PCDHGA10: variants seen among roughly 807,000 people sequenced by gnomAD.
PCDHGA10 encodes the protein protocadherin gamma subfamily A, 10.
PCDHGA10 carries 42 observed loss-of-function variants against 59.5 expected under a neutral mutation model. The ratio of observed to expected loss-of-function variants is 0.71; its 90% CI spans 0.55 to 0.91. The LOEUF (loss-of-function observed/expected upper bound fraction) is 0.91. PCDHGA10 is among the 40% of genes least tolerant of loss of function. The probability of loss-of-function intolerance (pLI) is 0.00; values close to 1 mark genes in which losing one functional copy is unlikely to be tolerated. For missense variants in PCDHGA10, 1,111 were observed against 1,198.2 expected (o/e 0.93, Z 1.07); for synonymous variants, 511 against 517.2 (o/e 0.99, Z 0.16).
chr5:141,449,830 T>G (rs1316368063), intron 1 of PCDHGA10, among the ~76,000 whole-genome samples: 1 of 151,724 alleles, frequency 6.6e-6, no homozygotes, highest in Non-Finnish European at 1.5e-5. Flanking sequence ...AAGGACATTC[T>G]TTTATATAAT....
rs1187570193 is a variant in PCDHGA10, at chr5:141,413,498, T to G, written c.323T>G (p.Val108Gly). The G allele has an allele frequency of 6.2e-7, 1 of 1,614,026 alleles. No homozygotes were observed. The highest frequency in any genetic ancestry group is 1.7e-5 in the Admixed American group (1 of 60,026). ...TGCGCTCAGAGCGCGCGGTGCGTGGTGAGTTTTAATATCCTTGTGGAAGAC... is the reference window on the plus strand; with the variant it reads ...TGCGCTCAGAGCGCGCGGTGCGTGGGGAGTTTTAATATCCTTGTGGAAGAC... ...ELCAQSARCV[V>G]SFNILVEDRV... Residue 108 changes from valine (V) to glycine (G), a missense_variant, in exon 1 of 4, where the codon GTG becomes GGG. Val to Gly is a moderately radical substitution (Grantham distance 109, BLOSUM62 -3). Coordinates refer to ENST00000398610, the MANE Select transcript of PCDHGA10 (RefSeq NM_018913.3).
intron 2 of PCDHGA10, among the ~76,000 whole-genome samples, chr5:141,500,806 T>C (rs2099802700): frequency 6.6e-6 from 1 of 152,240 alleles, no homozygotes; most frequent in Non-Finnish European, 1.5e-5. Context: ...AGTCCTCATA[T>C]GAATATACAT....
Position 141,489,153 on chromosome 5 carries a change from G to T in PCDHGA10, c.2437-5654G>T. 1 of 935,828 alleles carries T rather than the reference G, an allele frequency of 1.1e-6. No individual in the cohort carries two copies. Among genetic ancestry groups the T allele is most frequent in the South Asian group, 1.8e-5 (1 of 55,006 alleles). 58.0% of individuals were successfully genotyped at this position (935,828 alleles called of 1,614,324 possible). A position where few individuals can be genotyped will look rare whatever the true frequency, so the allele number is the denominator to read the frequency against. Reference sequence around the variant, plus strand: ...TTTAAGAGGCTGGAAGGAGACATAAGAGACTTCAGCTGCTGCATTCCAAGC... The same window carrying T: ...TTTAAGAGGCTGGAAGGAGACATAATAGACTTCAGCTGCTGCATTCCAAGC... On this transcript the variant is annotated intron_variant, in intron 1 of 3. Transcript: ENST00000398610. The surrounding 1 kb of genome is among the most constrained non-coding windows in gnomAD (Gnocchi z 4.5).
intron 1 of PCDHGA10, among the ~76,000 whole-genome samples, chr5:141,482,089 C>CAA (rs36035257): frequency 1.0e-3 from 137 of 134,516 alleles, no homozygotes; most frequent in African/African-American, 1.5e-3. Context: ...CACTCCATCT[C>CAA]AAAAAAAAAA....
chr5:141,476,236 AAG>A lies in PCDHGA10; in HGVS notation c.2437-18565_2437-18564del. ...TCATTCACTATGAGATCCCGGAGGA[AAG>A]AGAGAAGGGTTTCGCTGTGGGCAAC... is the stretch of plus-strand genomic sequence containing the variant. On this transcript the variant is annotated intron_variant, in intron 1 of 3. Transcript: ENST00000398610. The surrounding 1 kb of genome is among the most constrained non-coding windows in gnomAD (Gnocchi z 7.6). 2.5e-6 allele frequency: 4 copies of A among 1,613,980 alleles called. No individual in the cohort carries two copies. Among genetic ancestry groups the A allele is most frequent in the Non-Finnish European group, 3.4e-6 (4 of 1,180,004 alleles).
At chr5:141,463,650 A>C (rs1206605758) in intron 1 of PCDHGA10, among the ~76,000 whole-genome samples, 1 of 151,746 alleles carries the variant, frequency 6.6e-6, no homozygotes, top group Non-Finnish European at 1.5e-5. Flanking sequence ...ACGGGGTTTC[A>C]CCGTGTTAGC....
Position 141,432,878 on chromosome 5 carries a change from TTCGTCA to T in PCDHGA10, c.2436+17270_2436+17275del. 6.2e-7 allele frequency: 1 copy of T among 1,614,178 alleles called. No individual in the cohort carries two copies. The highest frequency in any genetic ancestry group is 1.7e-5 in the Admixed American group (1 of 60,036). Reference sequence around the variant, plus strand: ...CGCGGTCTCCTGCGTCTTCCTGGCCTTCGTCATCTTGCTGCTGGCGCTCAGGCTGCG... The same window carrying T: ...CGCGGTCTCCTGCGTCTTCCTGGCCTTCTTGCTGCTGGCGCTCAGGCTGCG... On this transcript the variant is annotated intron_variant, in intron 1 of 3. Transcript: ENST00000398610. This position sits in a 1 kb window ranked among gnomAD's most constrained non-coding sequence, Gnocchi z 6.0.
Position 141,485,096 on chromosome 5 carries a change from C to T in PCDHGA10, c.2437-9711C>T, listed in dbSNP as rs1166994104. On this transcript the variant is annotated intron_variant, in intron 1 of 3. Coordinates refer to ENST00000398610, the MANE Select transcript of PCDHGA10 (RefSeq NM_018913.3). This position sits in a 1 kb window ranked among gnomAD's most constrained non-coding sequence, Gnocchi z 5.7. The stretch of plus-strand genomic sequence containing the variant: ...CGCGGGGAAAGGGAGATAGGTGTCT[C>T]CAGCTGCTGTGGCTGTTTGGGGCGG... The T allele has an allele frequency of 1.8e-6, 2 of 1,125,566 alleles. No homozygotes were observed. The highest frequency in any genetic ancestry group is 3.1e-5 in the African/African-American group (2 of 64,908). 69.7% of individuals were successfully genotyped at this position (1,125,566 alleles called of 1,614,324 possible).
At chr5:141,457,522 G>A (rs1200640017) in intron 1 of PCDHGA10, among the ~76,000 whole-genome samples, 1 of 152,188 alleles carries the variant, frequency 6.6e-6, no homozygotes, top group Non-Finnish European at 1.5e-5. Flanking sequence ...AACAATTAAT[G>A]AGACTAGGGT....
At chr5:141,450,829 A>ATT (rs373424450) in intron 1 of PCDHGA10, among the ~76,000 whole-genome samples, 8,685 of 135,030 alleles carry the variant, frequency 0.064, 328 homozygotes, top group South Asian at 0.088. Context: ...TATTATTATT[A>ATT]TTTTTTTTTT....
intron 1 of PCDHGA10, among the ~76,000 whole-genome samples, chr5:141,456,406 G>A (rs1038971451): frequency 2.0e-5 from 3 of 152,080 alleles, no homozygotes; most frequent in South Asian, 2.1e-4. Flanking sequence ...GCTTCTAGGC[G>A]AGAAGAAACA....
intron 1 of PCDHGA10, among the ~76,000 whole-genome samples, chr5:141,471,163 G>GC (rs202115056): frequency 0.11 from 16,237 of 150,562 alleles, 892 homozygotes; most frequent in South Asian, 0.15. Context: ...GATTCTCCTG[G>GC]CTCAGCCTCC....
In PCDHGA10 at chr5:141,510,980, G is replaced by A; in HGVS notation, c.2618G>A (p.Gly873Asp). The change falls in exon 4 of 4, where the codon GGT becomes GAT. Residue 873 changes from glycine (G) to aspartate (D), a missense_variant. Transcript: ENST00000398610. ...AADGSSTLGGGAGTMGLSARY... is the reference protein window; with the variant it reads ...AADGSSTLGGDAGTMGLSARY... ...GATGGGAGCTCCACCCTGGGAGGGG[G>A]TGCCGGCACCATGGGATTGAGCGCC... 1 of 1,614,170 alleles carries A rather than the reference G, an allele frequency of 6.2e-7. No homozygotes were observed.
chr5:141,469,918 G>T (rs2099215604), intron 1 of PCDHGA10, among the ~76,000 whole-genome samples: 2 of 152,148 alleles, frequency 1.3e-5, no homozygotes, highest in African/African-American at 4.8e-5. Context: ...ACCACCCGAG[G>T]TCAGGAGTTT....
At chr5:141,429,647 T>C (rs1430094173) in intron 1 of PCDHGA10, among the ~76,000 whole-genome samples, 2 of 152,272 alleles carry the variant, frequency 1.3e-5, no homozygotes, top group African/African-American at 4.8e-5. Flanking sequence ...TATATATTTC[T>C]TCCCAATTTA....
Position 141,413,470 on chromosome 5 carries a change from C to T in PCDHGA10, c.295C>T (p.Leu99Phe), listed in dbSNP as rs748662580. Residue 99 changes from leucine (L) to phenylalanine (F), a missense_variant, in exon 1 of 4, where the codon CTC (leucine) becomes TTC (phenylalanine). Coordinates refer to ENST00000398610, the MANE Select transcript of PCDHGA10 (RefSeq NM_018913.3). ...ITAGRIDREE[L>F]CAQSARCVVS... ...CGCGGGCAGGATAGACCGGGAGGAG[C>T]TCTGCGCTCAGAGCGCGCGGTGCGT... is the stretch of plus-strand genomic sequence containing the variant. The T allele has an allele frequency of 1.1e-5, 17 of 1,614,110 alleles. No homozygotes were observed. Among genetic ancestry groups the T allele is most frequent in the Non-Finnish European group, 1.4e-5 (16 of 1,179,972 alleles).
chr5:141,489,229 G>A lies in PCDHGA10; in HGVS notation c.2437-5578G>A, dbSNP rs1188849525. 5.9e-6 allele frequency: 9 copies of A among 1,522,134 alleles called. No homozygotes were observed. In the Admixed American group the frequency reaches 6.4e-5, roughly 11 times the overall value. 94.3% of individuals were successfully genotyped at this position (1,522,134 alleles called of 1,614,324 possible). On this transcript the variant is annotated intron_variant, in intron 1 of 3. Transcript: ENST00000398610. The surrounding 1 kb of genome is among the most constrained non-coding windows in gnomAD (Gnocchi z 4.5). The stretch of plus-strand genomic sequence containing the variant: ...AGCACAGACTTACTCTCCACAAAGG[G>A]ACTTCTGGGTCATGGGGCCCAAGAC...
At chr5:141,419,146 G>A in intron 1 of PCDHGA10, 1 of 1,613,922 alleles carries the variant, frequency 6.2e-7, no homozygotes, top group Non-Finnish European at 8.5e-7. Context: ...ACAGGGGCAA[G>A]CCTCCGTTAT....
intron 2 of PCDHGA10, among the ~76,000 whole-genome samples, chr5:141,499,234 A>G (rs1294400331): frequency 6.6e-6 from 1 of 152,008 alleles, no homozygotes; most frequent in Non-Finnish European, 1.5e-5. Flanking sequence ...AGCTGTCCCC[A>G]GCCTCTGCAC....
Sources: allele counts gnomAD v4.1 joint callset (sites outside exome capture counted in the v4.1 genomes callset), GRCh38; gene constraint gnomAD v4.1.1; non-coding constraint Gnocchi (gnomAD v3.1); transcripts MANE v1.5; gene names NCBI Gene and HGNC (gene_info 2026-07-23, HGNC 2026-07-21).